Variants in PCDHGA3 observed in about 807,000 individuals in gnomAD.
PCDHGA3 encodes protocadherin gamma-A3.
PCDHGA3 carries 40 observed loss-of-function variants against 58.5 expected under a neutral mutation model. The observed-to-expected ratio is 0.68, with a 90% CI of 0.53 to 0.89. PCDHGA3 has a LOEUF of 0.89. Among genes scored for constraint, PCDHGA3 ranks in the 40% least tolerant of loss-of-function variants. The pLI, the probability that PCDHGA3 is intolerant of heterozygous loss-of-function variation, is 0.00. For missense variants in PCDHGA3, 1,223 were observed against 1,195.9 expected, an observed-to-expected ratio of 1.02 and a Z score of -0.33; for synonymous variants, 530 against 525.7, an observed-to-expected ratio of 1.01 and a Z score of -0.11.
At chr5:141,398,698 T>C (rs2093690457) in intron 1 of PCDHGA3, 2 of 1,613,680 alleles carry the variant, frequency 1.2e-6, no homozygotes, top group Admixed American at 1.7e-5. Flanking sequence ...TGGTAGTAAA[T>C]ACCCGGAACT....
Position 141,344,777 on chromosome 5 carries a change from T to C in PCDHGA3, c.744T>C (p.Arg248=). ...NPPMFTQPEY[R]VSVWENVPVG... The stretch of plus-strand genomic sequence containing the variant: ...CAATGTTTACTCAGCCTGAGTACCG[T>C]GTGAGTGTTTGGGAGAACGTGCCTG... The change falls in exon 1 of 4, where the codon CGT becomes CGC. Residue 248 remains arginine, a synonymous_variant. Transcript: ENST00000253812. 6.2e-7 allele frequency: 1 copy of C among 1,613,952 alleles called. No homozygotes were observed.
chr5:141,427,717 A>G (rs1038823851), intron 1 of PCDHGA3: 20 of 1,076,234 alleles, frequency 1.9e-5, no homozygotes, highest in African/African-American at 1.1e-4. Context: ...TCTGACCTGG[A>G]CCTAGGGCTG....
In PCDHGA3 at chr5:141,410,139, T is replaced by C. The variant is rs73279096; in HGVS notation, c.2424+63682T>C. ...GCCCGCCAGCGCCTGCTGGTCGCTG[T>C]GCGTGACGGTGGACAGCCGCCACTC... On this transcript the variant is annotated intron_variant, in intron 1 of 3. Coordinates refer to ENST00000253812, the MANE Select transcript of PCDHGA3 (RefSeq NM_018916.4). The C allele has an allele frequency of 1.6e-4, 252 of 1,612,722 alleles. No individual in the cohort carries two copies. In the African/African-American group the frequency reaches 3.0e-3, roughly 19 times the overall value.
At chr5:141,461,082 T>C (rs2099008648) in intron 1 of PCDHGA3, among the ~76,000 whole-genome samples, 1 of 152,070 alleles carries the variant, frequency 6.6e-6, no homozygotes, top group South Asian at 2.1e-4. Flanking sequence ...AATTGTGAAT[T>C]GTGCTGCTAT....
intron 1 of PCDHGA3, among the ~76,000 whole-genome samples, chr5:141,396,846 C>T (rs2093443938): frequency 6.6e-6 from 1 of 152,166 alleles, no homozygotes; most frequent in Admixed American, 6.5e-5. Flanking sequence ...TGGGAGTTAA[C>T]TTCATAGTTT....
chr5:141,424,692 T>C (rs910540428), intron 1 of PCDHGA3: 2 of 152,004 alleles, frequency 1.3e-5, no homozygotes, highest in African/African-American at 4.8e-5. Context: ...CTTCTGGCTA[T>C]TTTTTTGTTC....
Position 141,485,209 on chromosome 5 carries a change from G to T in PCDHGA3, c.2425-9598G>T, listed in dbSNP as rs2099609420. The T allele has an allele frequency of 6.2e-7, 1 of 1,614,032 alleles. No individual in the cohort carries two copies. Among genetic ancestry groups the T allele is most frequent in the African/African-American group, 1.3e-5 (1 of 74,938 alleles). On this transcript the variant is annotated intron_variant, in intron 1 of 3. Transcript: ENST00000253812. This position sits in a 1 kb window ranked among gnomAD's most constrained non-coding sequence, Gnocchi z 5.7. Reference sequence around the variant, plus strand: ...AGGTGAGAAGCTGGACAGAAATCTGGCGGTGGGCTACCCTTTTGTTCCTCT... The same window carrying T: ...AGGTGAGAAGCTGGACAGAAATCTGTCGGTGGGCTACCCTTTTGTTCCTCT...
chr5:141,375,335 T>C, intron 1 of PCDHGA3: 2 of 1,613,812 alleles, frequency 1.2e-6, no homozygotes, highest in Non-Finnish European at 1.7e-6. Flanking sequence ...GGTATTCTTG[T>C]ACAACATCAC....
chr5:141,394,069 A>G (rs1054107584), intron 1 of PCDHGA3: 1 of 1,613,862 alleles, frequency 6.2e-7, no homozygotes, highest in African/African-American at 1.3e-5. Context: ...TCTATCTACA[A>G]TATCACAGTG....
intron 1 of PCDHGA3, among the ~76,000 whole-genome samples, chr5:141,347,225 C>T (rs1455859210): frequency 7.0e-6 from 1 of 143,354 alleles, no homozygotes; most frequent in Non-Finnish European, 1.5e-5. Context: ...ATGATCACGG[C>T]TCACTGCAGC....
At chr5:141,496,588 C>T (rs775641672) in intron 2 of PCDHGA3, among the ~76,000 whole-genome samples, 9 of 152,280 alleles carry the variant, frequency 5.9e-5, no homozygotes, top group Non-Finnish European at 1.0e-4. Context: ...GAACGCAAAG[C>T]GCTTCTTAGA....
At chr5:141,464,418 T>C (rs1244881278) in intron 1 of PCDHGA3, among the ~76,000 whole-genome samples, 2 of 151,652 alleles carry the variant, frequency 1.3e-5, no homozygotes, top group Non-Finnish European at 2.9e-5. Flanking sequence ...TATATATCTA[T>C]ATATATAGAT....
intron 1 of PCDHGA3, chr5:141,362,032 G>A (rs909384005): frequency 4.3e-6 from 7 of 1,609,448 alleles, no homozygotes; most frequent in Non-Finnish European, 5.9e-6. Flanking sequence ...GCGTGCCTTG[G>A]GCGACAGGGA....
chr5:141,432,992 G>A lies in PCDHGA3; in HGVS notation c.2425-61815G>A, dbSNP rs777975384. On this transcript the variant is annotated intron_variant, in intron 1 of 3. Coordinates refer to ENST00000253812, the MANE Select transcript of PCDHGA3 (RefSeq NM_018916.4). The surrounding 1 kb of genome is among the most constrained non-coding windows in gnomAD (Gnocchi z 6.0). The stretch of plus-strand genomic sequence containing the variant: ...GGCGTCGCACTTTGTGGGCGTGGAC[G>A]GGGTGCAGGCTTTCCTGCAGACCTA... 1.9e-6 allele frequency: 3 copies of A among 1,614,174 alleles called. No homozygotes were observed. In the Admixed American group the frequency reaches 5.0e-5, roughly 27 times the overall value.
At chr5:141,413,222 G>T in intron 1 of PCDHGA3, 1 of 1,613,796 alleles carries the variant, frequency 6.2e-7, no homozygotes, top group Admixed American at 1.7e-5. Flanking sequence ...GATTGCAGCG[G>T]GCTGGTCCTG....
intron 1 of PCDHGA3, chr5:141,350,156 C>A (rs1018523439): frequency 4.8e-5 from 48 of 1,005,970 alleles, no homozygotes; most frequent in Non-Finnish European, 6.4e-5. Flanking sequence ...CACCCTCGAG[C>A]GCCTAACTAA....
intron 1 of PCDHGA3, chr5:141,389,506 G>A: frequency 1.9e-6 from 3 of 1,613,112 alleles, no homozygotes; most frequent in Non-Finnish European, 2.5e-6. Context: ...CCAGCGCTCA[G>A]CGCGAACGTG....
chr5:141,505,348 G>C, intron 2 of PCDHGA3, 45 bp from the exon 3 acceptor site: 1 of 1,613,358 alleles, frequency 6.2e-7, no homozygotes, highest in Non-Finnish European at 8.5e-7. Flanking sequence ...GGCATGAGCT[G>C]TGCCGGCCTG....
At chr5:141,377,665 G>A (rs1040007479) in intron 1 of PCDHGA3, 1 of 151,618 alleles carries the variant, frequency 6.6e-6, no homozygotes, top group Non-Finnish European at 1.5e-5. Flanking sequence ...AACGACAGAC[G>A]TTCATACAAG....
Sources: allele counts gnomAD v4.1 joint callset (sites outside exome capture counted in the v4.1 genomes callset), GRCh38; gene constraint gnomAD v4.1.1; non-coding constraint Gnocchi (gnomAD v3.1); transcripts MANE v1.5; gene names NCBI Gene and HGNC (gene_info 2026-07-23, HGNC 2026-07-21).